KCNK9: variants seen among roughly 807,000 people sequenced by gnomAD.
KCNK9 encodes the protein potassium two pore domain channel subfamily K member 9.
A neutral mutation model predicts 10.8 loss-of-function variants in KCNK9; 1 was observed. The ratio of observed to expected loss-of-function variants is 0.09; its 90% CI spans 0.03 to 0.44. KCNK9 has a LOEUF of 0.44. Ranked by LOEUF, KCNK9 falls within the 20% of genes least tolerant of loss-of-function variation. KCNK9 has a pLI of 0.97. For synonymous variants in KCNK9, 231 were observed against 222.7 expected (o/e 1.04, Z -0.33); for missense variants, 303 against 515.0 (o/e 0.59, Z 3.98).
At chr8:139,628,006 T>C (rs1202754757) in intron 1 of KCNK9, among the ~76,000 whole-genome samples, 2 of 152,248 alleles carry the variant, frequency 1.3e-5, no homozygotes, top group African/African-American at 4.8e-5. Flanking sequence ...TGGTATCTAA[T>C]TAGTGTCCAA....
chr8:139,697,470 G>A (rs375712927), intron 1 of KCNK9, among the ~76,000 whole-genome samples: 1 of 150,994 alleles, frequency 6.6e-6, no homozygotes, highest in African/African-American at 2.4e-5. Context: ...GCAGATGCAC[G>A]GTGGATAGCT....
chr8:139,646,923 A>T (rs1256942281), intron 1 of KCNK9, among the ~76,000 whole-genome samples: 22 of 152,356 alleles, frequency 1.4e-4, no homozygotes, highest in Non-Finnish European at 1.5e-5. Flanking sequence ...ATCATCTCTA[A>T]TGGGGCCCCC....
chr8:139,618,599 C>A lies in KCNK9; in HGVS notation c.784G>T (p.Ala262Ser). ...EDERRDAEER[A>S]SLAGNRNSMV... ...CTGTTGCGGTTTCCGGCGAGGGATG[C>A]CCTCTCTTCAGCATCCCGCCGCTCA... Residue 262 changes from alanine (A) to serine (S), a missense_variant, in exon 2 of 2, where the codon GCA becomes TCA. Ala to Ser is a moderately conservative substitution (Grantham distance 99, BLOSUM62 1). Coordinates refer to ENST00000520439, the MANE Select transcript of KCNK9 (RefSeq NM_001282534.2). The surrounding 1 kb of genome is among the most constrained non-coding windows in gnomAD (Gnocchi z 7.9). The A allele has an allele frequency of 6.2e-7, 1 of 1,613,886 alleles. No individual in the cohort carries two copies. Among genetic ancestry groups the A allele is most frequent in the Non-Finnish European group, 8.5e-7 (1 of 1,179,854 alleles).
In KCNK9 at chr8:139,693,826, C is replaced by T. The variant is rs939441634; in HGVS notation, c.283+8884G>A. 2.0e-5 allele frequency among the ~76,000 whole-genome samples: 3 copies of T among 152,000 alleles called. No homozygotes were observed. Among genetic ancestry groups the T allele is most frequent in the Non-Finnish European group, 2.9e-5 (2 of 68,000 alleles). Reference sequence around the variant, plus strand: ...GGAGCTGCTGGGGTCTGGGGCAGGGCGAAGATGGCAGCCATGGGCTTTTAA... The same window carrying T: ...GGAGCTGCTGGGGTCTGGGGCAGGGTGAAGATGGCAGCCATGGGCTTTTAA... On this transcript the variant is annotated intron_variant, in intron 1 of 1. Transcript: ENST00000520439. This position sits in a 1 kb window ranked among gnomAD's most constrained non-coding sequence, Gnocchi z 4.1.
intron 2 of KCNK9, among the ~76,000 whole-genome samples, chr8:139,605,735 A>G (rs189783858): frequency 6.4e-4 from 98 of 152,392 alleles, no homozygotes; most frequent in African/African-American, 2.4e-3. Context: ...TAAAATATAT[A>G]CAGGGCTGCG....
At chr8:139,621,306 A>AT (rs2130112037) in intron 1 of KCNK9, among the ~76,000 whole-genome samples, 1 of 151,798 alleles carries the variant, frequency 6.6e-6, no homozygotes, top group East Asian at 1.9e-4. Context: ...AAAAAAAAAA[A>AT]TAGCCAAATT....
rs10087061 is a variant in KCNK9 at position 139,604,273 on chromosome 8, G to T, written c.*1-2672C>A. On this transcript the variant is annotated intron_variant, in intron 2 of 2. Transcript: ENST00000650269. The stretch of plus-strand genomic sequence containing the variant: ...AGTGAAAGTCCCTGTCCTCTGCCCT[G>T]TGGGGCTCATGCTTCCCTGGGGGAG... Among the ~76,000 whole-genome samples, 983 of 152,350 alleles carry T rather than the reference G, an allele frequency of 6.5e-3. 10 individuals are homozygous for T. The highest frequency in any genetic ancestry group is 0.022 in the African/African-American group (930 of 41,580).
chr8:139,687,599 TGTATAC>T (rs1291023364), intron 1 of KCNK9, among the ~76,000 whole-genome samples: 115 of 56,954 alleles, frequency 2.0e-3, no homozygotes, highest in African/African-American at 6.9e-3. Flanking sequence ...TATATTCATA[TGTATAC>T]ATATGTATAC....
At chr8:139,651,519 G>A (rs561446841) in intron 1 of KCNK9, among the ~76,000 whole-genome samples, 1 of 152,288 alleles carries the variant, frequency 6.6e-6, no homozygotes, top group Admixed American at 6.5e-5. Context: ...TTGGAGCATT[G>A]TTTTCTATTA....
intron 1 of KCNK9, among the ~76,000 whole-genome samples, chr8:139,662,120 C>G (rs372813546): frequency 2.6e-5 from 4 of 152,206 alleles, no homozygotes; most frequent in Admixed American, 1.3e-4. Flanking sequence ...ACCTCTCCCC[C>G]ACCACTTGGG....
rs556126781 is a variant in KCNK9, at chr8:139,665,372, C to T, written c.283+37338G>A. ...AATCATCAGAACTCTCCTGACTCTA[C>T]CCTCCTGCCTCCCTCTTATAAAGAC... On this transcript the variant is annotated intron_variant, in intron 1 of 1. Transcript: ENST00000520439. Among the ~76,000 whole-genome samples, 6 of 152,334 alleles carry T rather than the reference C, an allele frequency of 3.9e-5. No individual in the cohort carries two copies. The East Asian group carries it at 9.7e-4, about 25-fold the overall frequency.
chr8:139,645,788 G>GT (rs1345302402), intron 1 of KCNK9, among the ~76,000 whole-genome samples: 4 of 152,186 alleles, frequency 2.6e-5, no homozygotes, highest in Non-Finnish European at 5.9e-5. Context: ...TGCACAGGAG[G>GT]AATCCACCAT....
intron 1 of KCNK9, among the ~76,000 whole-genome samples, chr8:139,631,465 T>G (rs903896210): frequency 6.6e-6 from 1 of 152,198 alleles, no homozygotes; most frequent in African/African-American, 2.4e-5. Context: ...CAGCCTGATG[T>G]GGTCTTCAGC....
intron 1 of KCNK9, among the ~76,000 whole-genome samples, chr8:139,623,690 C>T (rs1814867693): frequency 1.3e-5 from 2 of 152,142 alleles, no homozygotes; most frequent in South Asian, 4.1e-4. Flanking sequence ...AGGGTGGTGA[C>T]CTTCTCCATC....
At chr8:139,683,389 C>T (rs888183408) in intron 1 of KCNK9, among the ~76,000 whole-genome samples, 3 of 152,222 alleles carry the variant, frequency 2.0e-5, no homozygotes, top group African/African-American at 7.2e-5. Context: ...AAAGCATTCC[C>T]CATTTCAGCT....
chr8:139,613,088 G>A (rs766182070), downstream of KCNK9, among the ~76,000 whole-genome samples: 43 of 152,184 alleles, frequency 2.8e-4, no homozygotes, highest in Non-Finnish European at 5.0e-4. Flanking sequence ...TGTTTCTTAG[G>A]CGTGACAATG....
intron 1 of KCNK9, among the ~76,000 whole-genome samples, chr8:139,685,954 G>C (rs948077436): frequency 1.3e-5 from 2 of 152,098 alleles, no homozygotes; most frequent in African/African-American, 4.8e-5. Context: ...GTTGTTTCCT[G>C]ACTTTTTAAT....
chr8:139,660,265 C>T (rs1318278454), intron 1 of KCNK9, among the ~76,000 whole-genome samples: 2 of 151,956 alleles, frequency 1.3e-5, no homozygotes, highest in Admixed American at 6.6e-5. Flanking sequence ...TAACAGCCCG[C>T]GATGAAGACT....
At chr8:139,637,638 A>C (rs2129639998) in intron 1 of KCNK9, among the ~76,000 whole-genome samples, 1 of 152,318 alleles carries the variant, frequency 6.6e-6, no homozygotes, top group East Asian at 1.9e-4. Context: ...GTCTAAAGAT[A>C]CAAAGTTTGT....
Sources: allele counts gnomAD v4.1 joint callset (sites outside exome capture counted in the v4.1 genomes callset), GRCh38; gene constraint gnomAD v4.1.1; non-coding constraint Gnocchi (gnomAD v3.1); transcripts MANE v1.5; gene names NCBI Gene and HGNC (gene_info 2026-07-23, HGNC 2026-07-21).